Variants in ME3 observed in about 807,000 individuals in gnomAD.
ME3 encodes the protein malic enzyme 3.
Under a neutral mutation model 68.9 loss-of-function variants are expected in ME3, and 48 were observed. The observed-to-expected ratio is 0.70, with a 90% CI of 0.55 to 0.89. ME3 has a LOEUF of 0.89. Ranked by LOEUF, ME3 falls within the 40% of genes least tolerant of loss-of-function variation. The pLI is 0.00. For synonymous variants in ME3, 320 were observed against 318.8 expected (o/e 1.00, Z -0.04); for missense variants, 675 against 797.4 (o/e 0.85, Z 1.85).
At position 86,598,325 on chromosome 11, in the gene ME3, G is replaced by A. The variant is rs538003037; in HGVS notation, c.184-38502C>T. On this transcript the variant is annotated intron_variant, in intron 2 of 14. Transcript: ENST00000543262. Reference sequence around the variant, plus strand: ...CCGCACCTGGCTTGGAGGGTCCTACGCCCACGGAGTCTCGCTCATTGCTAG... The same window carrying A: ...CCGCACCTGGCTTGGAGGGTCCTACACCCACGGAGTCTCGCTCATTGCTAG... 7.9e-5 allele frequency among the ~76,000 whole-genome samples: 12 copies of A among 152,300 alleles called. No individual in the cohort carries two copies. The South Asian group carries it at 1.2e-3, about 16-fold the overall frequency.
chr11:86,635,591 G>A (rs188301444), intron 2 of ME3, among the ~76,000 whole-genome samples: 1 of 152,314 alleles, frequency 6.6e-6, no homozygotes, highest in East Asian at 1.9e-4. Flanking sequence ...CCATTATCTT[G>A]GGTGTGGGTT....
intron 13 of ME3, among the ~76,000 whole-genome samples, chr11:86,445,063 T>C (rs1445525976): frequency 6.6e-6 from 1 of 152,196 alleles, no homozygotes; most frequent in Admixed American, 6.5e-5. Context: ...GTAGCAATTG[T>C]GTTTTTACTC....
intron 2 of ME3, among the ~76,000 whole-genome samples, chr11:86,621,137 C>T (rs1472231924): frequency 1.3e-5 from 2 of 152,198 alleles, no homozygotes; most frequent in African/African-American, 4.8e-5. Flanking sequence ...TAAAACCCAC[C>T]TATTCCTGCC....
intron 5 of ME3, among the ~76,000 whole-genome samples, chr11:86,507,545 A>G (rs543700861): frequency 1.3e-5 from 2 of 152,280 alleles, no homozygotes; most frequent in East Asian, 3.9e-4. Flanking sequence ...CATTTTTGCC[A>G]CACCCATTTT....
the ME3 span, chr11:86,435,829 A>G: frequency 5.3e-5 from 8 of 152,312 alleles, no homozygotes; most frequent in Admixed American, 2.6e-4. Flanking sequence ...GATGTTCTCA[A>G]TTGAGGCTAG....
At chr11:86,532,570 A>G (rs1395406311) in intron 4 of ME3, among the ~76,000 whole-genome samples, 2 of 152,252 alleles carry the variant, frequency 1.3e-5, no homozygotes, top group African/African-American at 4.8e-5. Context: ...AACAGGAGGA[A>G]TTTTGGAAAA....
rs1199621282 is a variant in ME3 at position 86,559,741 on chromosome 11, T to C, written c.266A>G (p.Gln89Arg). The C allele has an allele frequency of 1.9e-6, 3 of 1,613,900 alleles. No individual in the cohort carries two copies. The South Asian group carries it at 3.3e-5, about 18-fold the overall frequency. ...GTAATATCTCATGATTCGGAGGAGC[T>C]GGACGTCCTGGCTCAGAAAGCAGGG... The change falls in exon 3 of 15, where the codon CAG (glutamine) becomes CGG (arginine). Residue 89 changes from glutamine (Q) to arginine (R), a missense_variant. By Grantham distance (43) the Gln-to-Arg change is conservative. Coordinates refer to ENST00000543262, the Ensembl canonical transcript of ME3.
At chr11:86,668,623 A>T (rs1946723790) in intron 2 of ME3, among the ~76,000 whole-genome samples, 1 of 152,216 alleles carries the variant, frequency 6.6e-6, no homozygotes, top group African/African-American at 2.4e-5. Flanking sequence ...TATGAGATTC[A>T]TCACAGATCA....
chr11:86,663,940 T>A (rs549411063), intron 2 of ME3, among the ~76,000 whole-genome samples: 2 of 152,380 alleles, frequency 1.3e-5, no homozygotes, highest in African/African-American at 4.8e-5. Context: ...TCAGCGTTGC[T>A]GCTGACGTAA....
At chr11:86,581,808 C>T (rs1958456995) in intron 2 of ME3, among the ~76,000 whole-genome samples, 1 of 152,146 alleles carries the variant, frequency 6.6e-6, no homozygotes, top group African/African-American at 2.4e-5. Flanking sequence ...CACCACTCAA[C>T]CTATATATGC....
chr11:86,541,299 C>T (rs887622503), intron 4 of ME3, among the ~76,000 whole-genome samples: 4 of 152,078 alleles, frequency 2.6e-5, no homozygotes, highest in Non-Finnish European at 4.4e-5. Context: ...GTGAGAGAAC[C>T]GTTCACTTGC....
intron 2 of ME3, among the ~76,000 whole-genome samples, chr11:86,576,156 T>G (rs539458671): frequency 6.6e-6 from 1 of 152,212 alleles, no homozygotes; most frequent in Non-Finnish European, 1.5e-5. Flanking sequence ...GCTAACATCG[T>G]TATTTGTTCC....
chr11:86,538,144 G>C (rs1955812855), intron 4 of ME3, among the ~76,000 whole-genome samples: 1 of 152,174 alleles, frequency 6.6e-6, no homozygotes, highest in Non-Finnish European at 1.5e-5. Context: ...TTGCTTTCTT[G>C]TGGTTGTTTG....
At chr11:86,647,912 T>A (rs893504175) in intron 2 of ME3, among the ~76,000 whole-genome samples, 1 of 152,210 alleles carries the variant, frequency 6.6e-6, no homozygotes, top group East Asian at 1.9e-4. Context: ...GTGGAGCTAA[T>A]AGACATCTAC....
intron 2 of ME3, among the ~76,000 whole-genome samples, chr11:86,631,743 T>A (rs1215113586): frequency 1.3e-5 from 2 of 152,190 alleles, no homozygotes; most frequent in African/African-American, 2.4e-5. Flanking sequence ...TAGTTATAAA[T>A]TATTTTGAGA....
intron 2 of ME3, among the ~76,000 whole-genome samples, chr11:86,604,457 AC>A (rs1315854270): frequency 4.6e-5 from 7 of 152,196 alleles, no homozygotes; most frequent in Non-Finnish European, 5.9e-5. Flanking sequence ...AAAAAAAAGA[AC>A]AAAAAGATTC....
chr11:86,533,263 A>G (rs564214712), intron 4 of ME3, among the ~76,000 whole-genome samples: 1 of 152,278 alleles, frequency 6.6e-6, no homozygotes, highest in South Asian at 2.1e-4. Context: ...CCTTAGCTAT[A>G]CTATGAAAAA....
downstream of ME3, among the ~76,000 whole-genome samples, chr11:86,439,434 A>G (rs1249989902): frequency 6.6e-6 from 1 of 152,232 alleles, no homozygotes; most frequent in Non-Finnish European, 1.5e-5. Flanking sequence ...ATTGATTTCT[A>G]ATTTAGTTAT....
chr11:86,600,407 C>A (rs945459598), intron 2 of ME3, among the ~76,000 whole-genome samples: 1 of 152,114 alleles, frequency 6.6e-6, no homozygotes, highest in East Asian at 1.9e-4. Flanking sequence ...GCTAAATATC[C>A]TAAATATATA....
Sources: gnomAD v4.1 joint callset for allele counts (sites outside exome capture counted in the v4.1 genomes callset) on GRCh38, gnomAD v4.1.1 for gene constraint, MANE v1.5 for transcripts, NCBI Gene and HGNC (gene_info 2026-07-23, HGNC 2026-07-21) for gene names.